The following PPP1R14D variants were observed in gnomAD, a reference collection of about 807,000 sequenced individuals.
PPP1R14D encodes the protein protein phosphatase 1 regulatory subunit 14D.
Under a neutral mutation model 17.1 loss-of-function variants are expected in PPP1R14D, and 14 were observed. The ratio of observed to expected loss-of-function variants is 0.82; its 90% CI spans 0.54 to 1.28. PPP1R14D has a LOEUF of 1.28. Among genes scored for constraint, PPP1R14D ranks in the 50% most tolerant of loss-of-function variants. The probability of loss-of-function intolerance (pLI) is 0.00; values close to 1 mark genes in which losing one functional copy is unlikely to be tolerated. For missense variants in PPP1R14D, 173 were observed against 179.2 expected, an observed-to-expected ratio of 0.97 and a Z score of 0.20; for synonymous variants, 67 against 66.1, an observed-to-expected ratio of 1.01 and a Z score of -0.06.
At position 40,815,455 on chromosome 15, in the gene PPP1R14D, G is replaced by T. The variant is rs1890638376; in HGVS notation, c.*241C>A. ...ATGTTCCACACTCCATTGAGCTGGGGCTCCTAAAGGTTTTATCCACTTGGC... is the reference window on the plus strand; with the variant it reads ...ATGTTCCACACTCCATTGAGCTGGGTCTCCTAAAGGTTTTATCCACTTGGC... On this transcript the variant is annotated 3_prime_UTR_variant, in exon 4 of 4. Transcript: ENST00000299174. The T allele has an allele frequency of 1.8e-6, 1 of 545,404 alleles. No individual in the cohort carries two copies. The highest frequency in any genetic ancestry group is 1.9e-5 in the African/African-American group (1 of 52,548). The allele number at this position is 545,404 out of a possible 1,614,324, so 33.8% of individuals were successfully genotyped here. A position where few individuals can be genotyped will look rare whatever the true frequency, so the allele number is the denominator to read the frequency against.
At chr15:40,815,817 T>G in intron 3 of PPP1R14D, 56 bp from the exon 4 acceptor site, 6 of 763,344 alleles carry the variant, frequency 7.9e-6, no homozygotes, top group Non-Finnish European at 1.0e-5. Context: ...CCCCCCACCC[T>G]GCCCTCCCTA....
chr15:40,828,519 G>A lies in PPP1R14D; in HGVS notation c.123C>T (p.Ser41=). Reference sequence around the variant, plus strand: ...TGGGTATCTTGGAGGAGTCCGGGTGGGACTTGGACTCTGAGTCTGTGGATG... The same window carrying A: ...TGGGTATCTTGGAGGAGTCCGGGTGAGACTTGGACTCTGAGTCTGTGGATG... The part of the protein sequence containing the change: ...RTSSTDSESK[S]HPDSSKIPRS... Residue 41 remains serine (S), a synonymous_variant, in exon 1 of 4, where the codon TCC becomes TCT. Transcript: ENST00000299174. The A allele has an allele frequency of 1.2e-6, 2 of 1,614,192 alleles. No homozygotes were observed. The highest frequency in any genetic ancestry group is 1.7e-5 in the Admixed American group (1 of 60,014).
chr15:40,828,250 T>G (rs1890903881), intron 1 of PPP1R14D, 137 bp downstream of exon 1: 2 of 1,204,566 alleles, frequency 1.7e-6, no homozygotes, highest in South Asian at 3.1e-5. Context: ...AAACCGATGC[T>G]TCTTTCTTTC....
chr15:40,825,873 CAT>C (rs924076561), intron 1 of PPP1R14D, among the ~76,000 whole-genome samples: 1 of 152,232 alleles, frequency 6.6e-6, no homozygotes, highest in African/African-American at 2.4e-5. Flanking sequence ...GCTCCTTCCA[CAT>C]GTCTTGCTTT....
At chr15:40,822,700 G>T (rs1195537185) in intron 1 of PPP1R14D, among the ~76,000 whole-genome samples, 1 of 152,058 alleles carries the variant, frequency 6.6e-6, no homozygotes, top group Non-Finnish European at 1.5e-5. Flanking sequence ...TGATCCACCC[G>T]CCTTGGCCTC....
chr15:40,817,226 G>C (rs1035130999), intron 1 of PPP1R14D: 5 of 301,278 alleles, frequency 1.7e-5, no homozygotes, highest in African/African-American at 6.9e-5. Context: ...GTGTGGTTGC[G>C]CATACCCGTA....
At chr15:40,816,703 G>C (rs1890673947) in intron 1 of PPP1R14D, among the ~76,000 whole-genome samples, 2 of 152,200 alleles carry the variant, frequency 1.3e-5, no homozygotes, top group South Asian at 4.1e-4. Flanking sequence ...CTGGGTGACA[G>C]AGGGAGACTT....
chr15:40,817,763 C>G (rs1298390887), intron 1 of PPP1R14D, among the ~76,000 whole-genome samples: 2 of 151,658 alleles, frequency 1.3e-5, no homozygotes, highest in Non-Finnish European at 2.9e-5. Context: ...CACAGGTGCA[C>G]ACCACCACAC....
chr15:40,822,038 G>A (rs1472430828), intron 1 of PPP1R14D, among the ~76,000 whole-genome samples: 2 of 152,192 alleles, frequency 1.3e-5, no homozygotes, highest in Non-Finnish European at 2.9e-5. Context: ...AGCACTTTGG[G>A]AGGCTGAGGT....
rs1890915902 is a variant in PPP1R14D at position 40,828,618 on chromosome 15, G to A, written c.24C>T (p.Ser8=). The part of the protein sequence containing the change: MLSSSPA[S]CTSPSPDGEN... ...CCCCATCTGGGCTGGGAGATGTGCA[G>A]GAAGCAGGGCTTGAAGACAGCATGG... The change falls in exon 1 of 4, where the codon TCC becomes TCT. Residue 8 remains serine, a synonymous_variant. Transcript: ENST00000299174. The A allele has an allele frequency of 1.2e-6, 2 of 1,613,218 alleles. No homozygotes were observed. Among genetic ancestry groups the A allele is most frequent in the Admixed American group, 1.7e-5 (1 of 59,942 alleles).
chr15:40,816,871 A>T (rs1047169946), intron 1 of PPP1R14D, among the ~76,000 whole-genome samples: 1 of 152,156 alleles, frequency 6.6e-6, no homozygotes, highest in African/African-American at 2.4e-5. Flanking sequence ...CACGAGTTCG[A>T]GACCAGCCTG....
chr15:40,823,158 T>A (rs757700643), intron 1 of PPP1R14D, among the ~76,000 whole-genome samples: 1 of 151,858 alleles, frequency 6.6e-6, no homozygotes. Context: ...GAGACGGGAT[T>A]TCACCATGTT....
At chr15:40,824,091 G>A (rs1223191719) in intron 1 of PPP1R14D, among the ~76,000 whole-genome samples, 1 of 150,754 alleles carries the variant, frequency 6.6e-6, no homozygotes, top group East Asian at 1.9e-4. Context: ...AATAATTTTT[G>A]AACTCTCAGA....
intron 1 of PPP1R14D, among the ~76,000 whole-genome samples, chr15:40,817,907 CA>C (rs1890700778): frequency 1.3e-5 from 2 of 152,082 alleles, no homozygotes; most frequent in South Asian, 4.1e-4. Flanking sequence ...GCACCATGCC[CA>C]GCCCTAAACA....
intron 1 of PPP1R14D, among the ~76,000 whole-genome samples, chr15:40,827,531 T>C (rs779481844): frequency 4.0e-5 from 6 of 151,894 alleles, no homozygotes; most frequent in East Asian, 1.9e-4. Flanking sequence ...AAAAAAGAAA[T>C]GTGGCCCATG....
Position 40,815,563 on chromosome 15 carries a change from A to G in PPP1R14D, c.*133T>C. On this transcript the variant is annotated 3_prime_UTR_variant, in exon 4 of 4. Coordinates refer to ENST00000299174, the MANE Select transcript of PPP1R14D (RefSeq NM_017726.8). ...AACTAGCTGTGACCACACAGACAGT[A>G]GGAGTATGCAAATGTCCCTCCTTGT... The G allele has an allele frequency of 9.0e-7, 1 of 1,113,130 alleles. No homozygotes were observed. The highest frequency in any genetic ancestry group is 1.3e-6 in the Non-Finnish European group (1 of 781,320). The allele number at this position is 1,113,130 out of a possible 1,614,324, so 69.0% of individuals were successfully genotyped here. A position where few individuals can be genotyped will look rare whatever the true frequency, so the allele number is the denominator to read the frequency against.
At chr15:40,821,765 T>A (rs900667696) in intron 1 of PPP1R14D, among the ~76,000 whole-genome samples, 1 of 151,738 alleles carries the variant, frequency 6.6e-6, no homozygotes, top group African/African-American at 2.4e-5. Flanking sequence ...CCATCTCTAC[T>A]AAAAATACAA....
At chr15:40,828,351 C>A (rs1302017966) in intron 1 of PPP1R14D, 36 bp downstream of exon 1, 3 of 1,541,352 alleles carry the variant, frequency 1.9e-6, no homozygotes, top group Non-Finnish European at 2.6e-6. Context: ...GGACCCCAGG[C>A]CCCCATCTCC....
In PPP1R14D at chr15:40,816,151, C is replaced by T. The variant is rs746201422; in HGVS notation, c.339+19G>A. 1.9e-6 allele frequency: 3 copies of T among 1,613,184 alleles called. No individual in the cohort carries two copies. The South Asian group carries it at 3.3e-5, about 18-fold the overall frequency. ...TGGGTTCCCACTGACCCAAGGCCAG[C>T]TTCTAGCCCCCATCCTACCTCCAGC... On this transcript the variant is annotated intron_variant, in intron 2 of 3. Transcript: ENST00000299174.
Sources: gnomAD v4.1 joint callset for allele counts (sites outside exome capture counted in the v4.1 genomes callset) on GRCh38, gnomAD v4.1.1 for gene constraint, MANE v1.5 for transcripts, NCBI Gene and HGNC (gene_info 2026-07-23, HGNC 2026-07-21) for gene names.